The following GALNT7 variants were observed in gnomAD, a reference collection of about 807,000 sequenced individuals.
GALNT7 encodes the protein N-acetylgalactosaminyltransferase 7.
In GALNT7, 60 loss-of-function variants were observed where a neutral mutation model predicts 82.1. That is an observed-to-expected ratio of 0.73 (90% CI 0.59 to 0.91). The LOEUF (loss-of-function observed/expected upper bound fraction) is 0.91. Among genes scored for constraint, GALNT7 ranks in the 40% least tolerant of loss-of-function variants. GALNT7 has a pLI of 0.00. For synonymous variants in GALNT7, 243 were observed against 275.1 expected, an observed-to-expected ratio of 0.88 and a Z score of 1.15; for missense variants, 660 against 804.2, an observed-to-expected ratio of 0.82 and a Z score of 2.17.
chr4:173,230,602 TTATTCTG>T (rs1474842802), intron 1 of GALNT7, among the ~76,000 whole-genome samples: 1 of 152,208 alleles, frequency 6.6e-6, no homozygotes, highest in African/African-American at 2.4e-5. Flanking sequence ...ACATTCCATA[TTATTCTG>T]TATGAAAGTA....
intron 2 of GALNT7, among the ~76,000 whole-genome samples, chr4:173,264,432 T>C (rs1387733922): frequency 6.6e-6 from 1 of 152,200 alleles, no homozygotes; most frequent in Non-Finnish European, 1.5e-5. Context: ...TCTGTCCCAA[T>C]ACGGTGTGAG....
At chr4:173,210,838 T>C (rs1386593488) in intron 1 of GALNT7, among the ~76,000 whole-genome samples, 1 of 152,234 alleles carries the variant, frequency 6.6e-6, no homozygotes, top group Non-Finnish European at 1.5e-5. Context: ...GAAGATACTT[T>C]ATTAAAATTC....
intron 2 of GALNT7, among the ~76,000 whole-genome samples, chr4:173,254,162 A>G (rs1255432029): frequency 1.3e-5 from 2 of 152,228 alleles, no homozygotes; most frequent in African/African-American, 2.4e-5. Flanking sequence ...TCTAAGAGCT[A>G]TGCACATGTT....
chr4:173,168,812 TGA>T lies in GALNT7; in HGVS notation c.-22_-21del. The stretch of plus-strand genomic sequence containing the variant: ...CGGTGGCGGCGGCTGCGCCGGGCTG[TGA>T]GTCTCTCGCCGCCGGAGGAAGATGA... On this transcript the variant is annotated 5_prime_UTR_variant, in exon 1 of 12. Coordinates refer to ENST00000265000, the MANE Select transcript of GALNT7 (RefSeq NM_017423.3). The T allele has an allele frequency of 3.1e-6, 5 of 1,604,322 alleles. No homozygotes were observed. The highest frequency in any genetic ancestry group is 4.3e-6 in the Non-Finnish European group (5 of 1,175,536).
chr4:173,301,669 A>G (rs751232038), intron 6 of GALNT7, among the ~76,000 whole-genome samples: 6 of 152,228 alleles, frequency 3.9e-5, no homozygotes, highest in African/African-American at 7.2e-5. Context: ...TCATAAATCA[A>G]TGCAGGAGCA....
chr4:173,316,468 GT>G (rs1213754933), intron 9 of GALNT7: 1 of 152,126 alleles, frequency 6.6e-6, no homozygotes, highest in Non-Finnish European at 1.5e-5. Context: ...TGTCTACTAT[GT>G]TTTTTAACTT....
intron 9 of GALNT7, chr4:173,316,940 C>T (rs1298855424): frequency 1.3e-5 from 2 of 152,206 alleles, no homozygotes; most frequent in Non-Finnish European, 2.9e-5. Flanking sequence ...ATGACTTGCA[C>T]CTCTTCATAT....
At chr4:173,298,499 A>G (rs1048198182) in intron 6 of GALNT7, 5 of 474,680 alleles carry the variant, frequency 1.1e-5, no homozygotes, top group African/African-American at 1.0e-4. Context: ...TGTGATGTCC[A>G]CTACTGAGAC....
intron 2 of GALNT7, among the ~76,000 whole-genome samples, chr4:173,258,530 G>C (rs1048395205): frequency 2.8e-4 from 43 of 152,180 alleles, no homozygotes; most frequent in Non-Finnish European, 2.9e-4. Context: ...AGATGGGGGG[G>C]CCTCAGTCAG....
intron 1 of GALNT7, among the ~76,000 whole-genome samples, chr4:173,199,557 C>A (rs1732878573): frequency 6.6e-6 from 1 of 152,212 alleles, no homozygotes; most frequent in Non-Finnish European, 1.5e-5. Context: ...ATGCCTGAGT[C>A]TTCATGCCCT....
chr4:173,313,711 A>G (rs1332501201), intron 8 of GALNT7, among the ~76,000 whole-genome samples: 2 of 152,072 alleles, frequency 1.3e-5, no homozygotes, highest in African/African-American at 4.8e-5. Context: ...CTCAGCATAT[A>G]TGATCTTCCA....
intron 2 of GALNT7, among the ~76,000 whole-genome samples, chr4:173,257,210 T>C (rs1448459583): frequency 1.3e-5 from 2 of 152,092 alleles, no homozygotes; most frequent in Non-Finnish European, 2.9e-5. Flanking sequence ...CTCCTTGATC[T>C]ATAGGAATCA....
At chr4:173,216,727 A>ATATATATATATATATATATTTTTTTTT (rs71244915) in intron 1 of GALNT7, among the ~76,000 whole-genome samples, 1 of 12,980 alleles carries the variant, frequency 7.7e-5, no homozygotes, top group African/African-American at 2.8e-4. Flanking sequence ...ATATATATAT[A>ATATATATATATATATATATTTTTTTTT]TTTTTTTTTT....
chr4:173,225,078 C>T (rs1391243252), intron 1 of GALNT7, among the ~76,000 whole-genome samples: 1 of 151,004 alleles, frequency 6.6e-6, no homozygotes, highest in Non-Finnish European at 1.5e-5. Flanking sequence ...CCCACTTCCC[C>T]AAGATCTTCT....
At chr4:173,255,065 A>T (rs375921632) in intron 2 of GALNT7, among the ~76,000 whole-genome samples, 72 of 152,370 alleles carry the variant, frequency 4.7e-4, no homozygotes, top group African/African-American at 1.7e-3. Context: ...AAATTATTTT[A>T]AAAAACAGGA....
intron 1 of GALNT7, among the ~76,000 whole-genome samples, chr4:173,175,533 A>C (rs1326819472): frequency 2.0e-5 from 3 of 152,366 alleles, no homozygotes; most frequent in Middle Eastern, 6.8e-3. Context: ...GCTACATTAA[A>C]AGGTGGATAT....
intron 8 of GALNT7, among the ~76,000 whole-genome samples, 188 bp from the exon 9 acceptor site, chr4:173,313,769 TG>T (rs1737478750): frequency 6.6e-6 from 1 of 152,064 alleles, no homozygotes; most frequent in Admixed American, 6.5e-5. Flanking sequence ...TAAATACACA[TG>T]ATATTTTAAT....
At chr4:173,245,140 T>A (rs1364488052) in intron 1 of GALNT7, among the ~76,000 whole-genome samples, 2 of 148,880 alleles carry the variant, frequency 1.3e-5, no homozygotes, top group Admixed American at 6.8e-5. Flanking sequence ...AGAATGAGGA[T>A]GGAATGACAA....
chr4:173,190,453 G>C (rs181351710), intron 1 of GALNT7, among the ~76,000 whole-genome samples: 34 of 152,292 alleles, frequency 2.2e-4, no homozygotes, highest in African/African-American at 7.9e-4. Flanking sequence ...AAATGATAAA[G>C]TTGTATAAGT....
Sources: gnomAD v4.1 joint callset for allele counts (sites outside exome capture counted in the v4.1 genomes callset) on GRCh38, gnomAD v4.1.1 for gene constraint, MANE v1.5 for transcripts, NCBI Gene and HGNC (gene_info 2026-07-23, HGNC 2026-07-21) for gene names.